ZFAND3: variants seen among roughly 807,000 people sequenced by gnomAD.
The protein encoded by ZFAND3 is zinc finger AN1-type containing 3, also known as AN1-type zinc finger protein 3.
A neutral mutation model predicts 29.6 loss-of-function variants in ZFAND3; 10 were observed. That is an observed-to-expected ratio of 0.34 (90% CI 0.21 to 0.57). ZFAND3 has a LOEUF of 0.57. Among genes scored for constraint, ZFAND3 ranks in the 20% least tolerant of loss-of-function variants. The pLI is 0.86. For synonymous variants in ZFAND3, 128 were observed against 112.6 expected (o/e 1.14, Z -0.87); for missense variants, 230 against 304.5 (o/e 0.76, Z 1.82).
chr6:38,007,126 A>G (rs1180512687), intron 2 of ZFAND3, among the ~76,000 whole-genome samples: 2 of 152,226 alleles, frequency 1.3e-5, no homozygotes, highest in African/African-American at 4.8e-5. Context: ...AAGGAAAATC[A>G]TCACCATAGA....
intron 2 of ZFAND3, among the ~76,000 whole-genome samples, chr6:38,036,570 C>T (rs763716926): frequency 1.3e-5 from 2 of 151,704 alleles, no homozygotes; most frequent in Non-Finnish European, 2.9e-5. Context: ...ACCAAGACTT[C>T]GAATTATAAA....
At chr6:37,838,996 T>G (rs1017972985) in intron 1 of ZFAND3, among the ~76,000 whole-genome samples, 2 of 152,208 alleles carry the variant, frequency 1.3e-5, no homozygotes, top group Non-Finnish European at 2.9e-5. Flanking sequence ...CTGCTCTTTT[T>G]GATTATAGCC....
intron 1 of ZFAND3, among the ~76,000 whole-genome samples, chr6:37,834,847 T>C (rs921653776): frequency 4.9e-5 from 4 of 81,732 alleles, no homozygotes; most frequent in Non-Finnish European, 1.1e-4. Context: ...TGTATGCATG[T>C]ATGTTTCAAA....
chr6:37,925,472 G>A (rs1761466081), intron 1 of ZFAND3, among the ~76,000 whole-genome samples: 1 of 152,232 alleles, frequency 6.6e-6, no homozygotes. Context: ...GGAGGCCGAG[G>A]TGGGCGGATC....
intron 1 of ZFAND3, among the ~76,000 whole-genome samples, chr6:37,903,831 T>G (rs1371560312): frequency 1.3e-5 from 2 of 152,234 alleles, no homozygotes; most frequent in Non-Finnish European, 2.9e-5. Context: ...CTAGCTGCTA[T>G]TCTAAACAAT....
intron 1 of ZFAND3, among the ~76,000 whole-genome samples, chr6:37,854,832 C>T (rs1447248396): frequency 2.2e-5 from 3 of 135,712 alleles, no homozygotes; most frequent in Admixed American, 1.6e-4. Context: ...ATGGTTGTTT[C>T]ATGCTTAACA....
At chr6:38,145,881 C>G in intron 5 of ZFAND3, among the ~76,000 whole-genome samples, 1 of 152,202 alleles carries the variant, frequency 6.6e-6, no homozygotes, top group Admixed American at 6.5e-5. Context: ...GCCCCTACCC[C>G]CTGCCTCTCT....
intron 1 of ZFAND3, among the ~76,000 whole-genome samples, chr6:37,898,621 C>T (rs1765262019): frequency 6.6e-6 from 1 of 152,122 alleles, no homozygotes; most frequent in Admixed American, 6.5e-5. Flanking sequence ...TCTTTAATTT[C>T]CCTCAGAAGT....
chr6:37,943,431 GT>G (rs1191241126), intron 2 of ZFAND3, among the ~76,000 whole-genome samples: 1 of 152,186 alleles, frequency 6.6e-6, no homozygotes, highest in African/African-American at 2.4e-5. Flanking sequence ...TTTGATATCT[GT>G]AGAGAACACT....
chr6:38,151,425 T>C (rs142969887), intron 5 of ZFAND3, among the ~76,000 whole-genome samples: 9,161 of 149,444 alleles, frequency 0.061, 352 homozygotes, highest in Non-Finnish European at 0.086. Flanking sequence ...ACCTACCCAG[T>C]GGAGTGAAGG....
At chr6:38,096,147 A>T (rs1764973883) in intron 4 of ZFAND3, among the ~76,000 whole-genome samples, 1 of 151,818 alleles carries the variant, frequency 6.6e-6, no homozygotes, top group Non-Finnish European at 1.5e-5. Context: ...TTTCACTTTT[A>T]GAACTCATTA....
intron 4 of ZFAND3, among the ~76,000 whole-genome samples, chr6:38,109,824 G>C (rs1765280057): frequency 6.6e-6 from 1 of 152,106 alleles, no homozygotes; most frequent in Admixed American, 6.5e-5. Context: ...CGCAGAAGCA[G>C]CTTCTGCGTT....
chr6:37,900,429 A>G (rs1371323086), intron 1 of ZFAND3, among the ~76,000 whole-genome samples: 1 of 152,194 alleles, frequency 6.6e-6, no homozygotes, highest in Non-Finnish European at 1.5e-5. Context: ...TGTTTGAGCA[A>G]ACTTCCTTTT....
At chr6:37,932,090 G>A (rs1385802923) in intron 2 of ZFAND3, among the ~76,000 whole-genome samples, 3 of 152,078 alleles carry the variant, frequency 2.0e-5, no homozygotes, top group Non-Finnish European at 4.4e-5. Context: ...CCAACATGGC[G>A]AAACCCCGTC....
At chr6:37,976,581 CT>C (rs1415388067) in intron 2 of ZFAND3, among the ~76,000 whole-genome samples, 8 of 93,654 alleles carry the variant, frequency 8.5e-5, no homozygotes, top group Non-Finnish European at 1.3e-4. Context: ...GAGACACTGT[CT>C]CCAAAAAAAA....
intron 1 of ZFAND3, among the ~76,000 whole-genome samples, chr6:37,895,376 C>T (rs1765180260): frequency 6.6e-6 from 1 of 150,622 alleles, no homozygotes; most frequent in African/African-American, 2.4e-5. Context: ...CTCTTGTTGC[C>T]CAGGCTGGAG....
intron 2 of ZFAND3, among the ~76,000 whole-genome samples, chr6:37,985,804 A>G (rs1163358111): frequency 6.6e-6 from 1 of 152,254 alleles, no homozygotes; most frequent in Non-Finnish European, 1.5e-5. Flanking sequence ...GAATTAAGTT[A>G]GAAGAGGTAG....
At chr6:38,151,902 G>C (rs1429513159) in intron 5 of ZFAND3, among the ~76,000 whole-genome samples, 1 of 152,122 alleles carries the variant, frequency 6.6e-6, no homozygotes, top group African/African-American at 2.4e-5. Flanking sequence ...CTGACAGCCT[G>C]TGCTCTTCCG....
intron 1 of ZFAND3, among the ~76,000 whole-genome samples, chr6:37,879,081 A>C (rs115729806): frequency 1.6e-3 from 239 of 152,326 alleles, no homozygotes; most frequent in African/African-American, 5.3e-3. Context: ...GTAGTTGAGT[A>C]TTAGCCAAAG....
Sources: allele counts gnomAD v4.1 joint callset (sites outside exome capture counted in the v4.1 genomes callset), GRCh38; gene constraint gnomAD v4.1.1; transcripts MANE v1.5; gene names NCBI Gene and HGNC (gene_info 2026-07-23, HGNC 2026-07-21).